Variants in JMJD1C observed in about 807,000 individuals in gnomAD.
JMJD1C encodes the protein jumonji domain containing 1C.
Under a neutral mutation model 245.3 loss-of-function variants are expected in JMJD1C, and 31 were observed. The observed-to-expected ratio is 0.13, with a 90% CI of 0.09 to 0.17. The LOEUF is 0.17. Ranked by LOEUF, JMJD1C falls within the 10% of genes least tolerant of loss-of-function variation. The probability of loss-of-function intolerance (pLI) is 1.00; values close to 1 mark genes in which losing one functional copy is unlikely to be tolerated. For synonymous variants in JMJD1C, 1,057 were observed against 1,017.4 expected, an observed-to-expected ratio of 1.04 and a Z score of -0.74; for missense variants, 2,691 against 3,000.2, an observed-to-expected ratio of 0.90 and a Z score of 2.41.
Position 63,302,624 on chromosome 10 carries a change from T to C in JMJD1C, c.334-37860A>G, listed in dbSNP as rs372523067. 1.1e-4 allele frequency among the ~76,000 whole-genome samples: 17 copies of C among 152,370 alleles called. No homozygotes were observed. In the East Asian group the frequency reaches 2.9e-3, roughly 26 times the overall value. On this transcript the variant is annotated intron_variant, in intron 2 of 25. Transcript: ENST00000399262. ...ATGTTTTTACTTCAATTATGAATAA[T>C]GTATGAATATAAAAATCTTATGTCA...
At chr10:63,486,162 AAAAAAAC>A (rs1487451497) in intron 1 of JMJD1C, among the ~76,000 whole-genome samples, 30 of 61,738 alleles carry the variant, frequency 4.9e-4, no homozygotes, top group Admixed American at 1.4e-3. Flanking sequence ...AAAAAAAAAA[AAAAAAAC>A]AAAAAACAGA....
intron 2 of JMJD1C, among the ~76,000 whole-genome samples, chr10:63,367,225 GT>G (rs200081593): frequency 3.3e-5 from 5 of 151,330 alleles, no homozygotes; most frequent in Admixed American, 2.0e-4. Context: ...ATTCACCCTA[GT>G]TTTTTTTTGT....
At position 63,507,142 on chromosome 10, in the gene JMJD1C, A is replaced by C. The variant is rs139655745; in HGVS notation, n.113+14596T>G. Among the ~76,000 whole-genome samples, 897 of 152,240 alleles carry C rather than the reference A, an allele frequency of 5.9e-3. 7 individuals carry two copies. The highest frequency in any genetic ancestry group is 0.025 in the East Asian group (132 of 5,182). On this transcript the variant is annotated intron_variant and non_coding_transcript_variant, in intron 1 of 3. Coordinates refer to the JMJD1C transcript ENST00000633035. Reference sequence around the variant, plus strand: ...ATATTTCATTGTCAAAATGTACCTTAACTCATTTATGCATTTACCTACTAA... The same window carrying C: ...ATATTTCATTGTCAAAATGTACCTTCACTCATTTATGCATTTACCTACTAA...
In JMJD1C at chr10:63,179,858, CAG is replaced by C. The variant is rs1237073356; in HGVS notation, c.7085-2004_7085-2003del. 1.6e-4 allele frequency among the ~76,000 whole-genome samples: 24 copies of C among 151,972 alleles called. No homozygotes were observed. In the Middle Eastern group the frequency reaches 0.014, roughly 86 times the overall value. ...AGCCATTATCTTGAGCAAAAAAACT[CAG>C]AAAGTCAAATATGTTATCACTTGTA... On this transcript the variant is annotated intron_variant, in intron 22 of 25. Coordinates refer to ENST00000399262, the MANE Select transcript of JMJD1C (RefSeq NM_032776.3).
intron 2 of JMJD1C, among the ~76,000 whole-genome samples, chr10:63,288,804 G>A (rs1357733266): frequency 2.0e-5 from 3 of 151,498 alleles, no homozygotes; most frequent in Non-Finnish European, 2.9e-5. Context: ...GCTTGAACCC[G>A]GGAGGCAGAG....
At chr10:63,470,689 A>C (rs1953462257), upstream of JMJD1C, among the ~76,000 whole-genome samples, 1 of 152,226 alleles carries the variant, frequency 6.6e-6, no homozygotes, top group Non-Finnish European at 1.5e-5. Context: ...ATATACAAAC[A>C]TAACTTTCTG....
chr10:63,242,221 A>G (rs1851566798), intron 3 of JMJD1C, among the ~76,000 whole-genome samples: 1 of 152,220 alleles, frequency 6.6e-6, no homozygotes, highest in South Asian at 2.1e-4. Context: ...TGCAGTATTC[A>G]GCATTTAGAG....
chr10:63,389,253 A>G (rs1947853812), intron 1 of JMJD1C, among the ~76,000 whole-genome samples: 1 of 146,946 alleles, frequency 6.8e-6, no homozygotes, highest in African/African-American at 2.5e-5. Flanking sequence ...CAGAGGTTAC[A>G]GTGAGCTGAG....
chr10:63,383,820 C>G (rs1947390028), intron 1 of JMJD1C, among the ~76,000 whole-genome samples: 1 of 152,168 alleles, frequency 6.6e-6, no homozygotes, highest in Non-Finnish European at 1.5e-5. Context: ...GATAAAGTGC[C>G]TTGCCTCAAC....
At chr10:63,290,120 C>G (rs1858466614) in intron 2 of JMJD1C, among the ~76,000 whole-genome samples, 2 of 151,766 alleles carry the variant, frequency 1.3e-5, no homozygotes, top group South Asian at 2.1e-4. Flanking sequence ...CAAAATAACC[C>G]AAACTTTTAT....
intron 2 of JMJD1C, among the ~76,000 whole-genome samples, chr10:63,321,344 A>G (rs1940838747): frequency 6.6e-6 from 1 of 152,232 alleles, no homozygotes; most frequent in African/African-American, 2.4e-5. Context: ...AGTCAGAAGT[A>G]TAGGTGACAA....
intron 2 of JMJD1C, among the ~76,000 whole-genome samples, chr10:63,266,315 C>G (rs1051830838): frequency 2.0e-5 from 3 of 151,934 alleles, no homozygotes; most frequent in Admixed American, 6.6e-5. Flanking sequence ...AATAGAAAAT[C>G]CTCACATTAT....
At chr10:63,354,779 T>C (rs557056579) in intron 2 of JMJD1C, among the ~76,000 whole-genome samples, 89 of 149,168 alleles carry the variant, frequency 6.0e-4, no homozygotes, top group South Asian at 3.2e-3. Flanking sequence ...CTTTGGGAGG[T>C]TGGGGCAGGT....
chr10:63,179,523 A>G (rs1288865123), intron 22 of JMJD1C, among the ~76,000 whole-genome samples: 1 of 152,176 alleles, frequency 6.6e-6, no homozygotes, highest in Non-Finnish European at 1.5e-5. Flanking sequence ...CTGTAACTCC[A>G]GCACTTTGGG....
chr10:63,474,098 T>G, intron 1 of JMJD1C, among the ~76,000 whole-genome samples: 1 of 147,034 alleles, frequency 6.8e-6, no homozygotes, highest in South Asian at 2.2e-4. Context: ...CTAAAAAAAA[T>G]AATAATAATA....
chr10:63,475,539 A>T (rs867878823), intron 1 of JMJD1C, among the ~76,000 whole-genome samples: 3 of 152,226 alleles, frequency 2.0e-5, no homozygotes, highest in African/African-American at 7.2e-5. Flanking sequence ...TGAAGGACAG[A>T]CAAGAAAGTA....
At chr10:63,412,233 A>T (rs1949529988) in intron 1 of JMJD1C, among the ~76,000 whole-genome samples, 1 of 152,100 alleles carries the variant, frequency 6.6e-6, no homozygotes, top group South Asian at 2.1e-4. Flanking sequence ...CAATGACATA[A>T]AGTCAATTAA....
intron 1 of JMJD1C, among the ~76,000 whole-genome samples, chr10:63,447,514 G>C (rs1246916515): frequency 6.6e-6 from 1 of 152,056 alleles, no homozygotes; most frequent in Non-Finnish European, 1.5e-5. Context: ...ACAATTAAGT[G>C]ACCAGTCAAA....
intron 1 of JMJD1C, among the ~76,000 whole-genome samples, chr10:63,433,440 A>T (rs1950887199): frequency 6.6e-6 from 1 of 152,188 alleles, no homozygotes; most frequent in Non-Finnish European, 1.5e-5. Context: ...TTTAAAAAAT[A>T]GCAGCAATGG....
Sources: gnomAD v4.1 joint callset for allele counts (sites outside exome capture counted in the v4.1 genomes callset) on GRCh38, gnomAD v4.1.1 for gene constraint, MANE v1.5 for transcripts, NCBI Gene and HGNC (gene_info 2026-07-23, HGNC 2026-07-21) for gene names.